Variants in TMEM232 observed in about 807,000 individuals in gnomAD.
The protein encoded by TMEM232 is transmembrane protein 232.
Under a neutral mutation model 78.8 loss-of-function variants are expected in TMEM232, and 80 were observed. That is an observed-to-expected ratio of 1.01 (90% CI 0.85 to 1.22). TMEM232 has a LOEUF of 1.22. Among genes scored for constraint, TMEM232 ranks in the 50% most tolerant of loss-of-function variants. TMEM232 has a pLI of 0.00. For missense variants in TMEM232, 881 were observed against 742.2 expected (o/e 1.19, Z -2.17); for synonymous variants, 297 against 254.3 (o/e 1.17, Z -1.60).
chr5:110,430,554 TAAC>T (rs2112675188), intron 12 of TMEM232, among the ~76,000 whole-genome samples: 1 of 151,844 alleles, frequency 6.6e-6, no homozygotes, highest in Non-Finnish European at 1.5e-5. Flanking sequence ...CAATAGAACT[TAAC>T]AATACAGACA....
intron 12 of TMEM232, among the ~76,000 whole-genome samples, chr5:110,453,971 A>T (rs1297613932): frequency 1.3e-5 from 2 of 152,348 alleles, no homozygotes; most frequent in Admixed American, 1.3e-4. Context: ...AAACATTCTA[A>T]GTGTGTGTGA....
chr5:110,486,829 T>A (rs933142471), intron 12 of TMEM232, among the ~76,000 whole-genome samples: 1 of 149,246 alleles, frequency 6.7e-6, no homozygotes, highest in Non-Finnish European at 1.5e-5. Flanking sequence ...AATTTTAGAA[T>A]TTTTTTTTTC....
intron 12 of TMEM232, chr5:110,430,142 T>C (rs1757672176): frequency 6.6e-6 from 1 of 151,620 alleles, no homozygotes; most frequent in Non-Finnish European, 1.5e-5. Context: ...AAAAACTAAT[T>C]AAATCATTCT....
At chr5:110,408,267 C>T (rs1348138479) in intron 2 of TMEM232, among the ~76,000 whole-genome samples, 2 of 151,940 alleles carry the variant, frequency 1.3e-5, no homozygotes, top group Non-Finnish European at 2.9e-5. Context: ...TAATAAAGAT[C>T]AGAGCAGAAA....
intron 10 of TMEM232, among the ~76,000 whole-genome samples, chr5:110,604,032 T>C (rs1473154984): frequency 6.6e-6 from 1 of 152,184 alleles, no homozygotes; most frequent in Non-Finnish European, 1.5e-5. Context: ...TAATGATTTA[T>C]TTAATTACAT....
intron 12 of TMEM232, among the ~76,000 whole-genome samples, chr5:110,512,822 A>C (rs1235789034): frequency 6.6e-6 from 1 of 152,152 alleles, no homozygotes; most frequent in African/African-American, 2.4e-5. Context: ...TTATCTTCCC[A>C]AAGTGCTGTC....
chr5:110,510,688 G>GA (rs1255919144), intron 12 of TMEM232, among the ~76,000 whole-genome samples: 5 of 151,890 alleles, frequency 3.3e-5, no homozygotes, highest in Admixed American at 6.6e-5. Context: ...GCAAACATAT[G>GA]AAAAAAAACT....
chr5:110,697,530 A>C (rs750623146), intron 1 of TMEM232, among the ~76,000 whole-genome samples: 4 of 152,196 alleles, frequency 2.6e-5, no homozygotes, highest in African/African-American at 4.8e-5. Flanking sequence ...AATGGGAGAA[A>C]ATTTTTACAA....
chr5:110,394,859 A>C (rs1755326693), intron 3 of TMEM232, among the ~76,000 whole-genome samples: 1 of 152,112 alleles, frequency 6.6e-6, no homozygotes. Flanking sequence ...AAGGCCCTCT[A>C]TGCCTCCAAT....
chr5:110,628,042 T>C (rs1388301634), intron 5 of TMEM232, among the ~76,000 whole-genome samples, 162 bp from the exon 6 acceptor site: 1 of 152,096 alleles, frequency 6.6e-6, no homozygotes, highest in Non-Finnish European at 1.5e-5. Context: ...AACATTTATA[T>C]CAAGATTGAA....
At chr5:110,547,976 T>G (rs1581170447) in intron 11 of TMEM232, among the ~76,000 whole-genome samples, 1 of 126,370 alleles carries the variant, frequency 7.9e-6, no homozygotes, top group Non-Finnish European at 1.6e-5. Context: ...CCAGCCTGGG[T>G]GACACAGCTA....
intron 2 of TMEM232, among the ~76,000 whole-genome samples, chr5:110,666,045 C>G (rs144586461): frequency 6.6e-6 from 1 of 152,004 alleles, no homozygotes; most frequent in Non-Finnish European, 1.5e-5. Flanking sequence ...GCTATAATCA[C>G]GCCACTGCAC....
At chr5:110,499,835 A>G (rs1766047732) in intron 12 of TMEM232, among the ~76,000 whole-genome samples, 1 of 152,198 alleles carries the variant, frequency 6.6e-6, no homozygotes, top group Non-Finnish European at 1.5e-5. Context: ...TTAATCGATA[A>G]AATTTTAAAA....
chr5:110,528,889 A>G, intron 11 of TMEM232, 54 bp from the exon 12 acceptor site: 2 of 1,245,318 alleles, frequency 1.6e-6, no homozygotes, highest in South Asian at 6.9e-5. Flanking sequence ...ATGGGAGAAA[A>G]AAAATCGTGT....
chr5:110,429,341 T>C (rs1382059428), intron 12 of TMEM232, among the ~76,000 whole-genome samples: 1 of 151,826 alleles, frequency 6.6e-6, no homozygotes, highest in African/African-American at 2.4e-5. Context: ...ATGTTCAGTT[T>C]CTTTAACAGT....
chr5:110,423,215 A>C (rs1756863517), intron 13 of TMEM232, among the ~76,000 whole-genome samples: 1 of 152,184 alleles, frequency 6.6e-6, no homozygotes, highest in Non-Finnish European at 1.5e-5. Flanking sequence ...GCAGCTATGA[A>C]AAAGTGGAAG....
rs188953614 is a variant in TMEM232, at chr5:110,596,795, C to G, written c.1276+8314G>C. 1.5e-3 allele frequency among the ~76,000 whole-genome samples: 221 copies of G among 152,182 alleles called. 1 individual carries two copies. The highest frequency in any genetic ancestry group is 0.012 in the Admixed American group (185 of 15,274). ...ATTATCTCAATAGATGCAGAAAAGG[C>G]CTTTGACAAAATGCAACAACTCTTT... On this transcript the variant is annotated intron_variant, in intron 10 of 13. Transcript: ENST00000455884.
At chr5:110,681,372 G>A (rs563131300) in intron 1 of TMEM232, among the ~76,000 whole-genome samples, 1 of 152,226 alleles carries the variant, frequency 6.6e-6, no homozygotes, top group East Asian at 1.9e-4. Flanking sequence ...CTAGGTACTT[G>A]GCTTCTGGAT....
intron 1 of TMEM232, among the ~76,000 whole-genome samples, chr5:110,692,164 C>T (rs888184501): frequency 6.6e-6 from 1 of 152,214 alleles, no homozygotes; most frequent in Non-Finnish European, 1.5e-5. Context: ...TCATGATCTG[C>T]CCGCCTCGGC....
Sources: allele counts gnomAD v4.1 joint callset (sites outside exome capture counted in the v4.1 genomes callset), GRCh38; gene constraint gnomAD v4.1.1; transcripts MANE v1.5; gene names NCBI Gene and HGNC (gene_info 2026-07-23, HGNC 2026-07-21).